The following RECK variants were observed in gnomAD, a reference collection of about 807,000 sequenced individuals.
RECK encodes the protein reversion-inducing cysteine-rich protein with Kazal motifs.
Under a neutral mutation model 115.1 loss-of-function variants are expected in RECK, and 69 were observed. The observed-to-expected ratio is 0.60, with a 90% CI of 0.49 to 0.73. The LOEUF (loss-of-function observed/expected upper bound fraction) is 0.73, where lower values mean the gene tolerates loss of function less well. Ranked by LOEUF, RECK falls within the 30% of genes least tolerant of loss-of-function variation. The pLI, the probability that RECK is intolerant of heterozygous loss-of-function variation, is 0.00. For missense variants in RECK, 1,047 were observed against 1,203.7 expected, an observed-to-expected ratio of 0.87 and a Z score of 1.93; for synonymous variants, 414 against 419.7, an observed-to-expected ratio of 0.99 and a Z score of 0.17.
At chr9:36,091,394 A>C (rs1156771071) in intron 10 of RECK, 51 bp downstream of exon 10, 1 of 1,213,770 alleles carries the variant, frequency 8.2e-7, no homozygotes, top group South Asian at 1.7e-5. Context: ...ATTAATTATA[A>C]ATAAGTGAAA....
At position 36,123,664 on chromosome 9, in the gene RECK, C is replaced by G. The variant is rs780822656; in HGVS notation, c.*619C>G. ...GCAAAAGCAAGCTGATTAAATGACA[C>G]TCATATAATTATATGTTGTAAGCAA... On this transcript the variant is annotated 3_prime_UTR_variant, in exon 21 of 21. Coordinates refer to ENST00000377966, the MANE Select transcript of RECK (RefSeq NM_021111.3). The G allele has an allele frequency of 6.6e-6, 1 of 152,236 alleles. No individual in the cohort carries two copies. Among genetic ancestry groups the G allele is most frequent in the African/African-American group, 2.4e-5 (1 of 41,442 alleles). 9.4% of individuals were successfully genotyped at this position (152,236 alleles called of 1,614,324 possible).
At chr9:36,102,015 C>A in intron 11 of RECK, 79 bp from the exon 12 acceptor site, 1 of 1,369,368 alleles carries the variant, frequency 7.3e-7, no homozygotes, top group South Asian at 1.4e-5. Context: ...TTCTGGAAAG[C>A]TTCAGAAACA....
At chr9:36,106,302 T>G (rs540935743) in intron 13 of RECK, among the ~76,000 whole-genome samples, 20 of 151,752 alleles carry the variant, frequency 1.3e-4, no homozygotes, top group Non-Finnish European at 2.4e-4. Context: ...TGGCACTATC[T>G]TGGCTCACTG....
intron 6 of RECK, chr9:36,066,755 T>G: frequency 8.7e-6 from 11 of 1,267,018 alleles, no homozygotes; most frequent in Non-Finnish European, 1.1e-5. Flanking sequence ...TCTGACACTG[T>G]CCATCTTCCA....
Position 36,086,700 on chromosome 9 carries a change from A to G in RECK, c.638-994A>G, listed in dbSNP as rs551626915. 5.3e-5 allele frequency among the ~76,000 whole-genome samples: 8 copies of G among 152,300 alleles called. 1 individual carries two copies. The South Asian group carries it at 1.2e-3, about 24-fold the overall frequency. On this transcript the variant is annotated intron_variant, in intron 8 of 20. Transcript: ENST00000377966. ...TTACAGAGTGCTGATTGCTACCTTT[A>G]CAAACCTTTAGCTAGCCAGAAAAGT...
chr9:36,045,813 C>T (rs548530743), intron 1 of RECK, among the ~76,000 whole-genome samples: 48 of 152,038 alleles, frequency 3.2e-4, no homozygotes, highest in Non-Finnish European at 4.7e-4. Flanking sequence ...CATGTGCTTC[C>T]TGCTTACTTG....
intron 1 of RECK, among the ~76,000 whole-genome samples, chr9:36,042,423 AGTGTGTGTGTGTGTGTGTGT>A (rs35193636): frequency 6.9e-6 from 1 of 144,364 alleles, no homozygotes; most frequent in Non-Finnish European, 1.5e-5. Context: ...AGTATTCCAT[AGTGTGTGTGTGTGTGTGTGT>A]GTGTGTGTGT....
rs1238550449 is a variant in RECK at position 36,122,898 on chromosome 9, T to C, written c.2769T>C (p.His923=). The C allele has an allele frequency of 6.2e-7, 1 of 1,614,208 alleles. No homozygotes were observed. Among genetic ancestry groups the C allele is most frequent in the Non-Finnish European group, 8.5e-7 (1 of 1,180,038 alleles). ...CTGACAGCCCGACTTTGGCGTCCCATGTCCCTCTCTCTGCCCTCATCATTT... is the reference window on the plus strand; with the variant it reads ...CTGACAGCCCGACTTTGGCGTCCCACGTCCCTCTCTCTGCCCTCATCATTT... ...INSDSPTLAS[H]VPLSALIISQ... is the part of the protein sequence containing the mutation. The change falls in exon 21 of 21, where the codon CAT becomes CAC. Residue 923 remains histidine, a synonymous_variant. Transcript: ENST00000377966.
At chr9:36,073,231 GACACACACAGACACACACACACACACAC>G (rs1822309166) in intron 6 of RECK, among the ~76,000 whole-genome samples, 1 of 94,908 alleles carries the variant, frequency 1.1e-5, no homozygotes, top group Non-Finnish European at 2.3e-5. Context: ...GACACACACA[GACACACACAGACACACACACACACACAC>G]ACACACACAC....
chr9:36,118,936 G>A lies in RECK; in HGVS notation c.2433G>A (p.Leu811=), dbSNP rs1256235546. 1 of 1,612,932 alleles carries A rather than the reference G, an allele frequency of 6.2e-7. No individual in the cohort carries two copies. Among genetic ancestry groups the A allele is most frequent in the African/African-American group, 1.3e-5 (1 of 75,002 alleles). ...ECASVKCPSL[L]AAGCKPIIPP... Reference sequence around the variant, plus strand: ...CTTCTGTCAAGTGTCCTTCGCTCTTGGCAGCTGGATGCAAACCCATCATCC... The same window carrying A: ...CTTCTGTCAAGTGTCCTTCGCTCTTAGCAGCTGGATGCAAACCCATCATCC... Residue 811 remains leucine (L), a synonymous_variant, in exon 18 of 21, where the codon TTG becomes TTA. Transcript: ENST00000377966.
chr9:36,104,693 G>A (rs10758343), intron 12 of RECK, among the ~76,000 whole-genome samples: 1 of 151,890 alleles, frequency 6.6e-6, no homozygotes, highest in South Asian at 2.1e-4. Flanking sequence ...TATTTTAGTA[G>A]AAACAGGGTT....
At chr9:36,121,498 C>A in intron 19 of RECK, 35 bp from the exon 20 acceptor site, 1 of 1,597,432 alleles carries the variant, frequency 6.3e-7, no homozygotes, top group Non-Finnish European at 8.6e-7. Flanking sequence ...AGGAATTCTT[C>A]TTTTTTTCAG....
intron 14 of RECK, among the ~76,000 whole-genome samples, chr9:36,108,773 C>T (rs1823917743): frequency 6.6e-6 from 1 of 152,088 alleles, no homozygotes; most frequent in Admixed American, 6.6e-5. Flanking sequence ...GACCACCTTC[C>T]CTAAAAATCT....
intron 2 of RECK, 22 bp from the exon 3 acceptor site, chr9:36,058,805 C>CT (rs398113450): frequency 0.14 from 161,406 of 1,123,832 alleles, 1,616 homozygotes; most frequent in East Asian, 0.32. Context: ...GCCACAAAAA[C>CT]TTTTTTTTTT....
At chr9:36,066,440 C>T (rs944431592) in intron 6 of RECK, among the ~76,000 whole-genome samples, 8 of 152,202 alleles carry the variant, frequency 5.3e-5, no homozygotes, top group Admixed American at 3.9e-4. Context: ...TAGAATAACT[C>T]TCTTAACTAC....
Position 36,036,939 on chromosome 9 carries a change from A to AGCGGCTGCG in RECK, c.-57_-49dup, listed in dbSNP as rs1406302827. 8.8e-7 allele frequency: 1 copy of AGCGGCTGCG among 1,141,960 alleles called. No homozygotes were observed. The highest frequency in any genetic ancestry group is 1.1e-6 in the Non-Finnish European group (1 of 891,280). The allele number at this position is 1,141,960 out of a possible 1,614,324, so 70.7% of individuals were successfully genotyped here. A position where few individuals can be genotyped will look rare whatever the true frequency, so the allele number is the denominator to read the frequency against. On this transcript the variant is annotated 5_prime_UTR_variant, in exon 1 of 21. Coordinates refer to ENST00000377966, the MANE Select transcript of RECK (RefSeq NM_021111.3). ...CGCGAGCGGCGGCGGTAGCGGCGGCAGCGGCTGCGGCCAAGCTGGGTCCGA... is the reference window on the plus strand; with the variant it reads ...CGCGAGCGGCGGCGGTAGCGGCGGCAGCGGCTGCGGCGGCTGCGGCCAAGCTGGGTCCGA...
At chr9:36,117,706 G>A (rs1824314296) in intron 17 of RECK, among the ~76,000 whole-genome samples, 1 of 152,212 alleles carries the variant, frequency 6.6e-6, no homozygotes, top group Admixed American at 6.5e-5. Flanking sequence ...AACTGGGCCG[G>A]GCGCGGTGGC....
At chr9:36,072,082 G>A (rs1822251927) in intron 6 of RECK, among the ~76,000 whole-genome samples, 1 of 152,030 alleles carries the variant, frequency 6.6e-6, no homozygotes, top group African/African-American at 2.4e-5. Flanking sequence ...TACCACAAAT[G>A]GTAGTTTACT....
chr9:36,102,703 C>T (rs1344132849), intron 12 of RECK, among the ~76,000 whole-genome samples: 1 of 152,124 alleles, frequency 6.6e-6, no homozygotes, highest in Non-Finnish European at 1.5e-5. Context: ...AGCCTGTAAT[C>T]CCAGCACTCT....
Sources: allele counts gnomAD v4.1 joint callset (sites outside exome capture counted in the v4.1 genomes callset), GRCh38; gene constraint gnomAD v4.1.1; transcripts MANE v1.5; gene names NCBI Gene and HGNC (gene_info 2026-07-23, HGNC 2026-07-21).